PREP: variants seen among roughly 807,000 people sequenced by gnomAD.
The protein encoded by PREP is dJ355L5.1 (prolyl endopeptidase).
PREP carries 29 observed loss-of-function variants against 87.6 expected under a neutral mutation model. The ratio of observed to expected loss-of-function variants is 0.33; its 90% CI spans 0.25 to 0.45. The LOEUF is 0.45. Ranked by LOEUF, PREP falls within the 20% of genes least tolerant of loss-of-function variation. The pLI is 1.00. For synonymous variants in PREP, 337 were observed against 328.6 expected, an observed-to-expected ratio of 1.03 and a Z score of -0.28; for missense variants, 695 against 886.5, an observed-to-expected ratio of 0.78 and a Z score of 2.74.
chr6:105,328,447 G>A (rs971631451), intron 9 of PREP, among the ~76,000 whole-genome samples: 13 of 151,944 alleles, frequency 8.6e-5, no homozygotes, highest in Non-Finnish European at 1.9e-4. Context: ...CAGTAGAGAC[G>A]GGTTTCACCA....
chr6:105,364,250 T>A (rs9486067), intron 6 of PREP, among the ~76,000 whole-genome samples: 23,847 of 152,072 alleles, frequency 0.16, 1,996 homozygotes, highest in African/African-American at 0.21. Context: ...AAGCAAGGAG[T>A]TCTGCCAGGT....
intron 10 of PREP, among the ~76,000 whole-genome samples, chr6:105,295,393 CCTTT>C (rs1426985195): frequency 3.3e-5 from 5 of 151,898 alleles, no homozygotes; most frequent in Non-Finnish European, 7.4e-5. Context: ...GTATTTTTTC[CCTTT>C]CTTTGGCATA....
At chr6:105,302,692 G>A (rs1206201387) in intron 10 of PREP, 3 of 500,134 alleles carry the variant, frequency 6.0e-6, no homozygotes, top group Non-Finnish European at 1.2e-5. Flanking sequence ...ACGGATCTTA[G>A]AGAGCTTGGA....
intron 7 of PREP, among the ~76,000 whole-genome samples, chr6:105,335,663 C>T (rs80127494): frequency 0.056 from 8,439 of 151,980 alleles, 232 homozygotes; most frequent in Middle Eastern, 0.088. Flanking sequence ...AGGACAAAGC[C>T]GGAAGACCAT....
intron 11 of PREP, among the ~76,000 whole-genome samples, chr6:105,286,363 A>C (rs1770188076): frequency 6.6e-6 from 1 of 152,226 alleles, no homozygotes; most frequent in Non-Finnish European, 1.5e-5. Context: ...AAATTAGCCA[A>C]CACAGGGTGT....
At chr6:105,317,834 C>T (rs190910000) in intron 10 of PREP, among the ~76,000 whole-genome samples, 32 of 152,360 alleles carry the variant, frequency 2.1e-4, no homozygotes, top group Admixed American at 1.1e-3. Context: ...TATTCCCATA[C>T]GCTTGCATCA....
At chr6:105,291,073 T>C (rs1267790675) in intron 10 of PREP, among the ~76,000 whole-genome samples, 1 of 152,232 alleles carries the variant, frequency 6.6e-6, no homozygotes, top group Non-Finnish European at 1.5e-5. Flanking sequence ...AAGTATGCAA[T>C]AGCATTATCT....
chr6:105,400,291 T>G (rs972800364), intron 1 of PREP, among the ~76,000 whole-genome samples: 1 of 152,180 alleles, frequency 6.6e-6, no homozygotes, highest in Non-Finnish European at 1.5e-5. Context: ...ATATTTTACT[T>G]GTACTGTTCA....
In PREP at chr6:105,289,472, G is replaced by C. The variant is rs968357424; in HGVS notation, c.1318-578C>G. ...TTTATTAGCTTAGAAAGTTGATGAG[G>C]AAAATCATAGAAATCCTATTATTCC... On this transcript the variant is annotated intron_variant, in intron 10 of 14. Transcript: ENST00000652536. Among the ~76,000 whole-genome samples the C allele has an allele frequency of 2.0e-5, 3 of 152,140 alleles. No individual in the cohort carries two copies. The East Asian group carries it at 5.8e-4, about 29-fold the overall frequency.
intron 2 of PREP, among the ~76,000 whole-genome samples, chr6:105,385,659 A>G (rs1772972619): frequency 6.6e-6 from 1 of 152,240 alleles, no homozygotes; most frequent in South Asian, 2.1e-4. Flanking sequence ...CATAATTTCC[A>G]TATTATTTAA....
intron 12 of PREP, among the ~76,000 whole-genome samples, chr6:105,283,079 C>T (rs7760974): frequency 0.018 from 2,725 of 152,312 alleles, 48 homozygotes; most frequent in African/African-American, 0.046. Flanking sequence ...CGCTTCCCAC[C>T]CCACCTCTGC....
chr6:105,300,697 T>C (rs893156251), intron 10 of PREP, among the ~76,000 whole-genome samples: 2 of 152,032 alleles, frequency 1.3e-5, no homozygotes, highest in African/African-American at 4.8e-5. Context: ...AGAAATCCCA[T>C]CTCTGTTGTC....
At chr6:105,393,315 G>T (rs577924049) in intron 2 of PREP, among the ~76,000 whole-genome samples, 1 of 152,226 alleles carries the variant, frequency 6.6e-6, no homozygotes, top group East Asian at 1.9e-4. Flanking sequence ...TTCTGACAGT[G>T]CCTGGCGTTT....
intron 2 of PREP, among the ~76,000 whole-genome samples, chr6:105,396,712 A>G (rs546733314): frequency 6.6e-6 from 1 of 152,148 alleles, no homozygotes; most frequent in East Asian, 1.9e-4. Flanking sequence ...TAAATGGGAA[A>G]CGTACCCTGC....
rs143219941 is a variant in PREP at position 105,312,875 on chromosome 6, C to T, written c.1317+10790G>A. ...AGTATGGTGGTCCGGGGCTACGGGG[C>T]GGCACTGGGGCGCGGCTGTATGAAG... is the stretch of plus-strand genomic sequence containing the variant. On this transcript the variant is annotated intron_variant, in intron 10 of 14. Coordinates refer to ENST00000652536, the MANE Select transcript of PREP (RefSeq NM_002726.5). Among the ~76,000 whole-genome samples the T allele has an allele frequency of 5.0e-3, 767 of 152,076 alleles. 3 individuals carry two copies. Among genetic ancestry groups the T allele is most frequent in the Middle Eastern group, 0.02 (6 of 294 alleles).
chr6:105,293,675 T>C (rs1426878962), intron 10 of PREP, among the ~76,000 whole-genome samples: 13 of 151,760 alleles, frequency 8.6e-5, no homozygotes, highest in Non-Finnish European at 1.5e-5. Flanking sequence ...ACAATATACA[T>C]ACGTATAAAT....
intron 3 of PREP, among the ~76,000 whole-genome samples, chr6:105,376,490 A>G (rs1334650632): frequency 6.6e-6 from 1 of 152,242 alleles, no homozygotes; most frequent in African/African-American, 2.4e-5. Flanking sequence ...CCTGCACATT[A>G]GCCGAGTAGA....
intron 6 of PREP, among the ~76,000 whole-genome samples, chr6:105,362,972 T>C (rs145355927): frequency 2.5e-3 from 381 of 152,242 alleles, no homozygotes; most frequent in Non-Finnish European, 4.2e-3. Flanking sequence ...ACAGGGGACA[T>C]GGGAAGAGTA....
At chr6:105,389,694 G>C (rs893182861) in intron 2 of PREP, among the ~76,000 whole-genome samples, 1 of 152,132 alleles carries the variant, frequency 6.6e-6, no homozygotes, top group East Asian at 1.9e-4. Context: ...GGCCAGATGG[G>C]GAAAGGCAAT....
Sources: gnomAD v4.1 joint callset for allele counts (sites outside exome capture counted in the v4.1 genomes callset) on GRCh38, gnomAD v4.1.1 for gene constraint, MANE v1.5 for transcripts, NCBI Gene and HGNC (gene_info 2026-07-23, HGNC 2026-07-21) for gene names.